SYCP1: variants seen among roughly 807,000 people sequenced by gnomAD.
The protein encoded by SYCP1 is synaptonemal complex protein 1, also known as cancer/testis antigen 8.
Under a neutral mutation model 153.1 loss-of-function variants are expected in SYCP1, and 64 were observed. The ratio of observed to expected loss-of-function variants is 0.42; its 90% confidence interval spans 0.34 to 0.51. The LOEUF (loss-of-function observed/expected upper bound fraction) is 0.51, where lower values mean the gene tolerates loss of function less well. SYCP1 is among the 20% of genes least tolerant of loss of function. SYCP1 has a pLI of 0.06. For missense variants in SYCP1, 997 were observed against 1,049.0 expected (o/e 0.95, Z 0.68); for synonymous variants, 384 against 341.8 (o/e 1.12, Z -1.36).
chr1:114,855,494 C>T lies in SYCP1; in HGVS notation c.30C>T (p.Phe10=), dbSNP rs374296462. 3.7e-6 allele frequency: 6 copies of T among 1,610,750 alleles called. No individual in the cohort carries two copies. The highest frequency in any genetic ancestry group is 2.7e-5 in the African/African-American group (2 of 74,238). The change falls in exon 2 of 32, where the codon TTC becomes TTT. Residue 10 remains phenylalanine, a synonymous_variant. Coordinates refer to ENST00000369522, the MANE Select transcript of SYCP1 (RefSeq NM_003176.4). ...AAAAGCAAAAGCCCTTTGCATTGTT[C>T]GTACCACCGAGATCAAGCAGCAGTC... The part of the protein sequence containing the change: MEKQKPFAL[F]VPPRSSSSQV...
At chr1:114,890,329 T>G (rs924113964) in intron 15 of SYCP1, among the ~76,000 whole-genome samples, 2 of 151,612 alleles carry the variant, frequency 1.3e-5, no homozygotes, top group Non-Finnish European at 2.9e-5. Context: ...GTTTTAAATA[T>G]GTTTTATAAT....
At chr1:114,922,252 G>C (rs1668943966) in intron 20 of SYCP1, among the ~76,000 whole-genome samples, 1 of 151,880 alleles carries the variant, frequency 6.6e-6, no homozygotes, top group South Asian at 2.1e-4. Context: ...CCTCTTTAAG[G>C]CCAATGACTC....
chr1:114,927,906 G>A (rs561495333), intron 23 of SYCP1, among the ~76,000 whole-genome samples: 7 of 151,998 alleles, frequency 4.6e-5, no homozygotes, highest in South Asian at 2.1e-4. Context: ...CCGCAGCCTC[G>A]ATCTCCTGGA....
chr1:114,914,024 A>C lies in SYCP1; in HGVS notation c.1697A>C (p.Gln566Pro), dbSNP rs752418346. The change falls in exon 20 of 32, where the codon CAA (glutamine) becomes CCA (proline). Residue 566 changes from glutamine to proline, a missense_variant. Physicochemically the swap from Gln to Pro is moderately conservative, Grantham distance 76. Around this residue, in one of 2 missense-constraint regions of SYCP1, gnomAD observed 712 missense variants for 682.9 expected, o/e 1.04. Coordinates refer to ENST00000369522, the MANE Select transcript of SYCP1 (RefSeq NM_003176.4). ...ERMLKQIENL[Q>P]ETETQLRNEL... ...ATGTTGAAACAAATAGAAAATCTTC[A>C]AGAAACAGAAACCCAATTAAGGCAA... 1 of 1,573,678 alleles carries C rather than the reference A, an allele frequency of 6.4e-7. No individual in the cohort carries two copies. The highest frequency in any genetic ancestry group is 1.4e-5 in the African/African-American group (1 of 73,228).
intron 23 of SYCP1, among the ~76,000 whole-genome samples, chr1:114,937,040 A>G (rs1217564898): frequency 6.6e-6 from 1 of 152,096 alleles, no homozygotes; most frequent in East Asian, 1.9e-4. Flanking sequence ...ATTGGAAAAA[A>G]CTCCTTTAAA....
intron 15 of SYCP1, among the ~76,000 whole-genome samples, chr1:114,894,653 C>G (rs1417471084): frequency 6.6e-6 from 1 of 151,914 alleles, no homozygotes; most frequent in African/African-American, 2.4e-5. Flanking sequence ...AGAGAGGAAA[C>G]AGGACATATG....
intron 14 of SYCP1, among the ~76,000 whole-genome samples, chr1:114,887,242 A>G (rs1159833162): frequency 1.3e-5 from 2 of 152,124 alleles, no homozygotes; most frequent in South Asian, 4.1e-4. Flanking sequence ...AGAGAAGTTA[A>G]CCAAATTATA....
chr1:114,994,710 GA>G lies in SYCP1; in HGVS notation c.2718del (p.Glu907LysfsTer4). 6.4e-7 allele frequency: 1 copy of G among 1,564,250 alleles called. No individual in the cohort carries two copies. The highest frequency in any genetic ancestry group is 8.6e-7 in the Non-Finnish European group (1 of 1,162,970). On this transcript the variant is annotated frameshift_variant, in exon 31 of 32. Transcript: ENST00000369522. LOFTEE classifies it high-confidence loss of function. Reference sequence around the variant, plus strand: ...ATTTTTCTTCAAGAGCATGGTTTCAGAAGAAGAGACATTGAAAACACTGTAT... The same window carrying G: ...ATTTTTCTTCAAGAGCATGGTTTCAGAGAAGAGACATTGAAAACACTGTAT... ...ETTDLLSMVS[E>X]EETLKTLYRN...
chr1:114,885,507 A>G lies in SYCP1; in HGVS notation c.911-28A>G, dbSNP rs370067207. On this transcript the variant is annotated intron_variant, in intron 12 of 31. Coordinates refer to ENST00000369522, the MANE Select transcript of SYCP1 (RefSeq NM_003176.4). ...TCTTGGTATATATCTTCTGCTAAGT[A>G]CTATCTATTTATAACTTTCTCTTTT... 27 of 1,301,444 alleles carry G rather than the reference A, an allele frequency of 2.1e-5. No individual in the cohort carries two copies. The South Asian group carries it at 2.7e-4, about 13-fold the overall frequency. 80.6% of individuals were successfully genotyped at this position (1,301,444 alleles called of 1,614,324 possible).
In SYCP1 at chr1:114,942,046, A is replaced by G. The variant is rs182670182; in HGVS notation, c.1927-2293A>G. On this transcript the variant is annotated intron_variant, in intron 23 of 31. Coordinates refer to ENST00000369522, the MANE Select transcript of SYCP1 (RefSeq NM_003176.4). ...TGATGAAAGACCTGAATTCACAGAT[A>G]TAGAAAGAGAAATTTATACCAAGCA... 2.8e-3 allele frequency among the ~76,000 whole-genome samples: 422 copies of G among 152,230 alleles called. 1 individual carries two copies. The highest frequency in any genetic ancestry group is 5.1e-3 in the Non-Finnish European group (346 of 67,932).
At position 114,886,294 on chromosome 1, in the gene SYCP1, G is replaced by A; in HGVS notation, c.1175G>A (p.Arg392Lys). ...TTVCSLEELL[R>K]TEQQRLEKNE... ...GTCTGCAGCTTGGAAGAATTATTGA[G>A]AACAGAACAGCAAAGGTAAAATATT... The change falls in exon 14 of 32, where the codon AGA (arginine) becomes AAA (lysine). Residue 392 changes from arginine (R) to lysine (K), a missense_variant. Arg to Lys is a conservative substitution (Grantham distance 26, BLOSUM62 2). Around this residue, in one of 2 missense-constraint regions of SYCP1, gnomAD observed 712 missense variants for 682.9 expected, o/e 1.04. Coordinates refer to ENST00000369522, the MANE Select transcript of SYCP1 (RefSeq NM_003176.4). 1 of 1,571,348 alleles carries A rather than the reference G, an allele frequency of 6.4e-7. No individual in the cohort carries two copies. Among genetic ancestry groups the A allele is most frequent in the South Asian group, 1.2e-5 (1 of 82,762 alleles).
In SYCP1 at chr1:114,911,599, T is replaced by C; in HGVS notation, c.1529+17T>C. The stretch of plus-strand genomic sequence containing the variant: ...AAACGAGAAGTATGTTTTCCATTTA[T>C]CTAAAAATAGTTTATGTACTCAATT... On this transcript the variant is annotated intron_variant, in intron 18 of 31. Coordinates refer to ENST00000369522, the MANE Select transcript of SYCP1 (RefSeq NM_003176.4). 1 of 1,407,088 alleles carries C rather than the reference T, an allele frequency of 7.1e-7. No individual in the cohort carries two copies. The highest frequency in any genetic ancestry group is 2.7e-5 in the East Asian group (1 of 37,172). 87.2% of individuals were successfully genotyped at this position (1,407,088 alleles called of 1,614,324 possible). A position where few individuals can be genotyped will look rare whatever the true frequency, so the allele number is the denominator to read the frequency against.
intron 18 of SYCP1, among the ~76,000 whole-genome samples, chr1:114,912,601 G>C (rs761447720): frequency 6.6e-6 from 1 of 151,896 alleles, no homozygotes; most frequent in Admixed American, 6.6e-5. Flanking sequence ...TGTGCACAAC[G>C]TGCAGGTAAA....
At chr1:114,883,577 T>G (rs987150927) in intron 12 of SYCP1, among the ~76,000 whole-genome samples, 1 of 152,210 alleles carries the variant, frequency 6.6e-6, no homozygotes, top group Non-Finnish European at 1.5e-5. Context: ...AATTTTGGCT[T>G]GGAGCTCTTT....
intron 23 of SYCP1, among the ~76,000 whole-genome samples, chr1:114,935,124 A>T (rs1267761002): frequency 1.3e-5 from 2 of 152,158 alleles, no homozygotes; most frequent in African/African-American, 2.4e-5. Context: ...GCACCACACA[A>T]CACCTATTCC....
intron 27 of SYCP1, among the ~76,000 whole-genome samples, chr1:114,955,155 A>C (rs1415712866): frequency 6.6e-6 from 1 of 152,124 alleles, no homozygotes; most frequent in East Asian, 1.9e-4. Context: ...GCATTGATTG[A>C]TATTATCATA....
chr1:114,854,265 T>C (rs1405134792), upstream of SYCP1, among the ~76,000 whole-genome samples: 2 of 152,114 alleles, frequency 1.3e-5, no homozygotes, highest in African/African-American at 4.8e-5. Context: ...CGCCTCAGCC[T>C]TTTAAGTAGC....
intron 23 of SYCP1, among the ~76,000 whole-genome samples, chr1:114,937,499 A>T (rs1670101425): frequency 2.0e-5 from 3 of 151,944 alleles, no homozygotes; most frequent in African/African-American, 4.8e-5. Context: ...GGACTTCATG[A>T]CTAAAACACC....
At position 114,944,926 on chromosome 1, in the gene SYCP1, G is replaced by C. The variant is rs1256675726; in HGVS notation, c.2098G>C (p.Asp700His). 1 of 1,604,910 alleles carries C rather than the reference G, an allele frequency of 6.2e-7. No individual in the cohort carries two copies. Residue 700 changes from aspartate (D) to histidine (H), a missense_variant, in exon 25 of 32, where the codon GAT becomes CAT. Transcript: ENST00000369522. ...DEAVKLQKEI[D>H]KRCQHKIAEM... Reference sequence around the variant, plus strand: ...AGCAGTAAAATTACAGAAAGAAATTGATAAGCGATGTCAACATAAAATAGC... The same window carrying C: ...AGCAGTAAAATTACAGAAAGAAATTCATAAGCGATGTCAACATAAAATAGC...
Sources: gnomAD v4.1 joint callset for allele counts (sites outside exome capture counted in the v4.1 genomes callset) on GRCh38, gnomAD v4.1.1 for gene constraint, gnomAD v4.1.1 regional missense constraint, MANE v1.5 for transcripts, NCBI Gene and HGNC (gene_info 2026-07-23, HGNC 2026-07-21) for gene names.